The following MYCBP2 variants were observed in gnomAD, a reference collection of about 807,000 sequenced individuals.
MYCBP2 encodes MYC binding protein 2.
MYCBP2 carries 120 observed loss-of-function variants against 525.3 expected under a neutral mutation model. That is an observed-to-expected ratio of 0.23 (90% CI 0.20 to 0.27). The LOEUF (loss-of-function observed/expected upper bound fraction) is 0.27, where lower values mean the gene tolerates loss of function less well. Among genes scored for constraint, MYCBP2 ranks in the 10% least tolerant of loss-of-function variants. The pLI is 1.00. For synonymous variants in MYCBP2, 1,894 were observed against 1,955.8 expected (o/e 0.97, Z 0.83); for missense variants, 4,149 against 5,657.1 (o/e 0.73, Z 8.55).
At chr13:77,269,923 A>T in intron 7 of MYCBP2, 69 bp downstream of exon 7, 1 of 1,183,362 alleles carries the variant, frequency 8.5e-7, no homozygotes. Context: ...GATATTACTG[A>T]TTAAACAAGG....
At chr13:77,257,321 T>C (rs1002682651) in intron 14 of MYCBP2, among the ~76,000 whole-genome samples, 1 of 152,138 alleles carries the variant, frequency 6.6e-6, no homozygotes, top group Non-Finnish European at 1.5e-5. Context: ...TACTATTTGA[T>C]AGCACAACAG....
chr13:77,319,542 T>C (rs1434495503), intron 1 of MYCBP2, among the ~76,000 whole-genome samples: 1 of 152,218 alleles, frequency 6.6e-6, no homozygotes, highest in Non-Finnish European at 1.5e-5. Flanking sequence ...AAATTTCCTT[T>C]TACATTTTGC....
rs1469112843 is a variant in MYCBP2, at chr13:77,212,038, T to C, written c.3180A>G (p.Gln1060=). 1 of 1,614,106 alleles carries C rather than the reference T, an allele frequency of 6.2e-7. No homozygotes were observed. Among genetic ancestry groups the C allele is most frequent in the Non-Finnish European group, 8.5e-7 (1 of 1,179,968 alleles). ...KATWIGASGD[Q]TFLRIDEALI... is the part of the protein sequence containing the mutation. Reference sequence around the variant, plus strand: ...GTGCTTCATCAATTCGTAAAAAAGTTTGGTCCCCACTTGCACCTATCCAAG... The same window carrying C: ...GTGCTTCATCAATTCGTAAAAAAGTCTGGTCCCCACTTGCACCTATCCAAG... Residue 1060 remains glutamine, a synonymous_variant, in exon 22 of 83, where the codon CAA becomes CAG. Coordinates refer to ENST00000544440, the MANE Select transcript of MYCBP2 (RefSeq NM_015057.5).
intron 30 of MYCBP2, among the ~76,000 whole-genome samples, chr13:77,187,075 G>A (rs10400634): frequency 0.16 from 24,835 of 152,016 alleles, 2,327 homozygotes; most frequent in South Asian, 0.4. Flanking sequence ...CTCCAAAAGT[G>A]CTGGGATTAT....
In MYCBP2 at chr13:77,089,049, A is replaced by C; in HGVS notation, c.10526-18T>G. The C allele has an allele frequency of 6.3e-7, 1 of 1,577,980 alleles. No individual in the cohort carries two copies. Among genetic ancestry groups the C allele is most frequent in the Non-Finnish European group, 8.6e-7 (1 of 1,158,550 alleles). Reference sequence around the variant, plus strand: ...ACCAACTTCTATTAAAGAAAAAGAAAATTATTAATTTTCATAGGCAGTGCA... The same window carrying C: ...ACCAACTTCTATTAAAGAAAAAGAACATTATTAATTTTCATAGGCAGTGCA... On this transcript the variant is annotated intron_variant, in intron 60 of 82. Coordinates refer to ENST00000544440, the MANE Select transcript of MYCBP2 (RefSeq NM_015057.5).
chr13:77,181,656 A>C, intron 33 of MYCBP2, 45 bp downstream of exon 33: 2 of 1,497,502 alleles, frequency 1.3e-6, no homozygotes, highest in Non-Finnish European at 1.8e-6. Context: ...AAAACCATTT[A>C]GAGTTTTAGT....
chr13:77,315,120 G>A (rs4885452), intron 1 of MYCBP2, among the ~76,000 whole-genome samples: 15,335 of 152,056 alleles, frequency 0.1, 825 homozygotes, highest in East Asian at 0.15. Flanking sequence ...TCTGAATAAC[G>A]CTCTAACTAT....
intron 2 of MYCBP2, among the ~76,000 whole-genome samples, chr13:77,292,319 T>G (rs2077564526): frequency 6.6e-6 from 1 of 152,136 alleles, no homozygotes. Flanking sequence ...GAGTATAAAT[T>G]GCTTGTGAGA....
At chr13:77,251,394 C>T in intron 14 of MYCBP2, 39 bp from the exon 15 acceptor site, 2 of 1,540,362 alleles carry the variant, frequency 1.3e-6, no homozygotes, top group Non-Finnish European at 9.0e-7. Context: ...ATACAGGTTA[C>T]TTTCATGTAT....
At chr13:77,116,830 T>C (rs1262894464) in intron 55 of MYCBP2, among the ~76,000 whole-genome samples, 2 of 152,064 alleles carry the variant, frequency 1.3e-5, no homozygotes, top group East Asian at 3.8e-4. Context: ...TTTTATTAAT[T>C]AAATTTGGTA....
At chr13:77,194,949 G>C (rs1021274327) in intron 26 of MYCBP2, among the ~76,000 whole-genome samples, 1 of 151,122 alleles carries the variant, frequency 6.6e-6, no homozygotes, top group Non-Finnish European at 1.5e-5. Context: ...AAACAGAAAA[G>C]ATATCCAATA....
At chr13:77,147,221 GA>G (rs1566704850) in intron 47 of MYCBP2, among the ~76,000 whole-genome samples, 1 of 152,126 alleles carries the variant, frequency 6.6e-6, no homozygotes, top group East Asian at 1.9e-4. Context: ...ATATATACAG[GA>G]ATGAGAATCA....
chr13:77,190,479 T>G (rs940690008), intron 28 of MYCBP2, 144 bp from the exon 29 acceptor site: 2 of 578,654 alleles, frequency 3.5e-6, no homozygotes, highest in Admixed American at 3.0e-5. Context: ...TTTCTAGATT[T>G]TCATTCTAGC....
chr13:77,322,274 A>T (rs1385305829), intron 1 of MYCBP2, among the ~76,000 whole-genome samples: 1 of 152,204 alleles, frequency 6.6e-6, no homozygotes, highest in Non-Finnish European at 1.5e-5. Flanking sequence ...GCAGCTGAAA[A>T]AACTAAGGGG....
At chr13:77,232,761 A>G (rs1317381431) in intron 18 of MYCBP2, among the ~76,000 whole-genome samples, 2 of 152,202 alleles carry the variant, frequency 1.3e-5, no homozygotes, top group Non-Finnish European at 2.9e-5. Flanking sequence ...ATTTAGTAAT[A>G]TTGTTTATCC....
chr13:77,152,201 A>G (rs567964983), intron 46 of MYCBP2, among the ~76,000 whole-genome samples: 4 of 152,326 alleles, frequency 2.6e-5, no homozygotes, highest in South Asian at 2.1e-4. Flanking sequence ...AATATGTTCC[A>G]TTAAGTGACC....
At chr13:77,250,081 G>T (rs1400142275) in intron 15 of MYCBP2, among the ~76,000 whole-genome samples, 1 of 151,940 alleles carries the variant, frequency 6.6e-6, no homozygotes, top group Non-Finnish European at 1.5e-5. Context: ...AAATTAGCCG[G>T]GCGTAGTGGC....
chr13:77,173,804 G>C (rs964305869), intron 37 of MYCBP2, among the ~76,000 whole-genome samples: 1 of 152,060 alleles, frequency 6.6e-6, no homozygotes, highest in Non-Finnish European at 1.5e-5. Flanking sequence ...ATTTTCCAAG[G>C]TTTACATAAG....
intron 17 of MYCBP2, among the ~76,000 whole-genome samples, chr13:77,236,790 C>T (rs951982644): frequency 2.0e-5 from 3 of 151,868 alleles, no homozygotes; most frequent in South Asian, 2.1e-4. Context: ...CCTAGCTACT[C>T]GGGAGGCTGA....
Sources: gnomAD v4.1 joint callset for allele counts (sites outside exome capture counted in the v4.1 genomes callset) on GRCh38, gnomAD v4.1.1 for gene constraint, MANE v1.5 for transcripts, NCBI Gene and HGNC (gene_info 2026-07-23, HGNC 2026-07-21) for gene names.